Variants in ELOVL2 observed in about 807,000 individuals in gnomAD.
ELOVL2 encodes ELOVL fatty acid elongase 2.
Under a neutral mutation model 37.7 loss-of-function variants are expected in ELOVL2, and 38 were observed. The ratio of observed to expected loss-of-function variants is 1.01; its 90% CI spans 0.78 to 1.32. The LOEUF is 1.32. Among genes scored for constraint, ELOVL2 ranks in the 40% most tolerant of loss-of-function variants. The pLI is 0.00. For synonymous variants in ELOVL2, 115 were observed against 122.3 expected, an observed-to-expected ratio of 0.94 and a Z score of 0.40; for missense variants, 352 against 363.6, an observed-to-expected ratio of 0.97 and a Z score of 0.26.
chr6:10,995,144 T>A lies in ELOVL2; in HGVS notation c.368A>T (p.Lys123Ile). ...AKVLWWYYFS[K>I]SVEFLDTIFF... The stretch of plus-strand genomic sequence containing the variant: ...AATTGTGTCCAGGAACTCTACTGAT[T>A]TGGAGAAATAGTACCACCAAAGCAC... The change falls in exon 5 of 8, where the codon AAA becomes ATA. Residue 123 changes from lysine (K) to isoleucine (I), a missense_variant. By Grantham distance (102) the Lys-to-Ile change is moderately radical. Transcript: ENST00000354666. 6.2e-7 allele frequency: 1 copy of A among 1,612,826 alleles called. No homozygotes were observed. The highest frequency in any genetic ancestry group is 8.5e-7 in the Non-Finnish European group (1 of 1,179,486).
intron 1 of ELOVL2, among the ~76,000 whole-genome samples, chr6:11,027,983 C>T (rs560481226): frequency 6.0e-4 from 91 of 152,310 alleles, no homozygotes; most frequent in Non-Finnish European, 1.2e-3. Flanking sequence ...GAACTATTAT[C>T]TTTCTTACTC....
At position 11,044,129 on chromosome 6, in the gene ELOVL2, C is replaced by A; in HGVS notation, c.3+99G>T. ...GGGTTCCAGCGGCGAACCCGCAGCG[C>A]CCGCGCCGGCGCCCGCTCGGCCCTT... On this transcript the variant is annotated intron_variant, in intron 1 of 7. Coordinates refer to ENST00000354666, the MANE Select transcript of ELOVL2 (RefSeq NM_017770.4). The surrounding 1 kb of genome is among the most constrained non-coding windows in gnomAD (Gnocchi z 5.6). 1 of 1,335,290 alleles carries A rather than the reference C, an allele frequency of 7.5e-7. No homozygotes were observed. 82.7% of individuals were successfully genotyped at this position (1,335,290 alleles called of 1,614,324 possible). A position where few individuals can be genotyped will look rare whatever the true frequency, so the allele number is the denominator to read the frequency against.
intron 1 of ELOVL2, among the ~76,000 whole-genome samples, chr6:11,011,365 C>CAA (rs199986191): frequency 0.07 from 7,627 of 109,044 alleles, 627 homozygotes; most frequent in African/African-American, 0.21. Context: ...GACTCTGTCT[C>CAA]AAAAAAAAAA....
intron 1 of ELOVL2, among the ~76,000 whole-genome samples, chr6:11,027,908 T>A (rs1782863303): frequency 6.6e-6 from 1 of 152,228 alleles, no homozygotes; most frequent in South Asian, 2.1e-4. Context: ...TCTAAATTGA[T>A]TCCAGTTTGT....
At chr6:11,020,279 A>T (rs1224774212) in intron 1 of ELOVL2, among the ~76,000 whole-genome samples, 1 of 152,198 alleles carries the variant, frequency 6.6e-6, no homozygotes, top group Non-Finnish European at 1.5e-5. Context: ...AAAATGACTA[A>T]AAAGTATGAC....
chr6:11,043,944 C>T (rs903025831), intron 1 of ELOVL2: 1 of 294,956 alleles, frequency 3.4e-6, no homozygotes, highest in Non-Finnish European at 6.2e-6. Flanking sequence ...GGGGACTGGG[C>T]GCGAGCGGGC....
At chr6:11,042,671 T>C (rs1013382336) in intron 1 of ELOVL2, among the ~76,000 whole-genome samples, 4 of 151,804 alleles carry the variant, frequency 2.6e-5, no homozygotes, top group African/African-American at 9.7e-5. Flanking sequence ...GCATAAGAGA[T>C]AGCCGCCTAG....
At chr6:11,006,176 C>T (rs765634880) in intron 2 of ELOVL2, among the ~76,000 whole-genome samples, 9 of 152,172 alleles carry the variant, frequency 5.9e-5, no homozygotes, top group Non-Finnish European at 1.2e-4. Flanking sequence ...ATAGGATGAC[C>T]GTGCAGCAAG....
At chr6:11,030,832 G>A (rs542586926) in intron 1 of ELOVL2, among the ~76,000 whole-genome samples, 1 of 152,050 alleles carries the variant, frequency 6.6e-6, no homozygotes, top group South Asian at 2.1e-4. Context: ...ACACGTACTG[G>A]GCACTAAGAA....
At position 10,983,887 on chromosome 6, in the gene ELOVL2, A is replaced by G. The variant is rs1480918005; in HGVS notation, c.785T>C (p.Met262Thr). The change falls in exon 8 of 8, where the codon ATG (methionine) becomes ACG (threonine). Residue 262 changes from methionine (M) to threonine (T), a missense_variant. Met to Thr is a moderately conservative substitution (Grantham distance 81). Coordinates refer to ENST00000354666, the MANE Select transcript of ELOVL2 (RefSeq NM_017770.4). Reference sequence around the variant, plus strand: ...AGGTGGCTCTTGCATATCTTTCTTCATTGGCTTTTTTCGGTATGTCTGTTG... The same window carrying G: ...AGGTGGCTCTTGCATATCTTTCTTCGTTGGCTTTTTTCGGTATGTCTGTTG... ...FYVQTYRKKP[M>T]KKDMQEPPAG... is the part of the protein sequence containing the mutation. 6.2e-7 allele frequency: 1 copy of G among 1,612,736 alleles called. No homozygotes were observed. Among genetic ancestry groups the G allele is most frequent in the East Asian group, 2.2e-5 (1 of 44,834 alleles).
At position 10,992,810 on chromosome 6, in the gene ELOVL2, CAAAA is replaced by C. The variant is rs905117345; in HGVS notation, c.505+2193_505+2196del. Among the ~76,000 whole-genome samples, 11 of 132,670 alleles carry C rather than the reference CAAAA, an allele frequency of 8.3e-5. No homozygotes were observed. The East Asian group carries it at 1.2e-3, about 14-fold the overall frequency. The allele number at this position is 132,670 out of a possible 152,430, so 87.0% of individuals were successfully genotyped here. A position where few individuals can be genotyped will look rare whatever the true frequency, so the allele number is the denominator to read the frequency against. ...TCAAAAAAAACAAAACAAAAAAAAACAAAAAAAAACAGGATTAAAAAATATATAC... is the reference window on the plus strand; with the variant it reads ...TCAAAAAAAACAAAACAAAAAAAAACAAAAACAGGATTAAAAAATATATAC... On this transcript the variant is annotated intron_variant, in intron 5 of 7. Transcript: ENST00000354666.
rs1554114355 is a variant in ELOVL2 at position 11,043,467 on chromosome 6, AAC to A, written c.3+759_3+760del. Reference sequence around the variant, plus strand: ...TCAGGCAGTTCATCGGACACGGGTGAACACACACACACACACACACAGCTTAC... The same window carrying A: ...TCAGGCAGTTCATCGGACACGGGTGAACACACACACACACACACAGCTTAC... On this transcript the variant is annotated intron_variant, in intron 1 of 7. Coordinates refer to ENST00000354666, the MANE Select transcript of ELOVL2 (RefSeq NM_017770.4). 1.0e-3 allele frequency: 108 copies of A among 106,928 alleles called. 2 individuals are homozygous for A. Among genetic ancestry groups the A allele is most frequent in the Admixed American group, 2.5e-3 (25 of 10,134 alleles). 6.6% of individuals were successfully genotyped at this position (106,928 alleles called of 1,614,324 possible).
Position 10,982,860 on chromosome 6 carries a change from C to G in ELOVL2, c.*921G>C, listed in dbSNP as rs1781965286. On this transcript the variant is annotated 3_prime_UTR_variant, in exon 8 of 8. Coordinates refer to ENST00000354666, the MANE Select transcript of ELOVL2 (RefSeq NM_017770.4). ...AATTCAGTGCCTATTTTGCTCCCAT[C>G]ACTCTGCTACTTCTGCTAGTTCTGA... is the stretch of plus-strand genomic sequence containing the variant. The G allele has an allele frequency of 1.3e-5, 2 of 152,232 alleles. No homozygotes were observed. The highest frequency in any genetic ancestry group is 4.1e-4 in the South Asian group (2 of 4,830). The allele number at this position is 152,232 out of a possible 1,614,324, so 9.4% of individuals were successfully genotyped here. A position where few individuals can be genotyped will look rare whatever the true frequency, so the allele number is the denominator to read the frequency against.
At chr6:11,031,729 ATC>A (rs1782933000) in intron 1 of ELOVL2, among the ~76,000 whole-genome samples, 1 of 152,172 alleles carries the variant, frequency 6.6e-6, no homozygotes, top group Admixed American at 6.5e-5. Flanking sequence ...TTTGTGTTTA[ATC>A]TTGCTTAAGA....
chr6:11,029,349 A>G (rs1394158932), intron 1 of ELOVL2, among the ~76,000 whole-genome samples: 1 of 152,016 alleles, frequency 6.6e-6, no homozygotes, highest in Non-Finnish European at 1.5e-5. Flanking sequence ...TTTGGGCCAA[A>G]TGTTATCTTT....
In ELOVL2 at chr6:11,044,243, C is replaced by T; in HGVS notation, c.-13G>A. 1 of 1,354,216 alleles carries T rather than the reference C, an allele frequency of 7.4e-7. No homozygotes were observed. The highest frequency in any genetic ancestry group is 9.5e-7 in the Non-Finnish European group (1 of 1,054,458). 83.9% of individuals were successfully genotyped at this position (1,354,216 alleles called of 1,614,324 possible). The stretch of plus-strand genomic sequence containing the variant: ...CCCCACTCACCATGATCCGCAGCGG[C>T]TGTGGCGCGGCGACCCGGGCGGGCG... On this transcript the variant is annotated 5_prime_UTR_variant, in exon 1 of 8. Transcript: ENST00000354666. This position sits in a 1 kb window ranked among gnomAD's most constrained non-coding sequence, Gnocchi z 5.6.
intron 1 of ELOVL2, among the ~76,000 whole-genome samples, chr6:11,036,460 T>G (rs1460451833): frequency 6.6e-6 from 1 of 152,200 alleles, no homozygotes; most frequent in African/African-American, 2.4e-5. Context: ...GGGCATTCTC[T>G]TCCTTACAAA....
intron 4 of ELOVL2, 113 bp from the exon 5 acceptor site, chr6:10,995,291 C>T (rs1298918513): frequency 8.6e-6 from 7 of 815,860 alleles, no homozygotes; most frequent in Middle Eastern, 2.4e-4. Context: ...TTCTTTCTCA[C>T]TGCTGAAAAG....
chr6:11,011,262 A>T (rs550031316), intron 1 of ELOVL2, among the ~76,000 whole-genome samples: 75 of 152,172 alleles, frequency 4.9e-4, no homozygotes, highest in African/African-American at 1.7e-3. Flanking sequence ...GCTACTCAGG[A>T]GGCTGAGGCA....
Sources: allele counts gnomAD v4.1 joint callset (sites outside exome capture counted in the v4.1 genomes callset), GRCh38; gene constraint gnomAD v4.1.1; non-coding constraint Gnocchi (gnomAD v3.1); transcripts MANE v1.5; gene names NCBI Gene and HGNC (gene_info 2026-07-23, HGNC 2026-07-21).